DNAH8: variants seen among roughly 807,000 people sequenced by gnomAD.
DNAH8 encodes axonemal beta dynein heavy chain 8.
In DNAH8, 382 loss-of-function variants were observed where a neutral mutation model predicts 562.1. The observed-to-expected ratio is 0.68, with a 90% CI of 0.63 to 0.74. DNAH8 has a LOEUF of 0.74. Among genes scored for constraint, DNAH8 ranks in the 30% least tolerant of loss-of-function variants. DNAH8 has a pLI of 0.00. For missense variants in DNAH8, 5,203 were observed against 5,620.4 expected (o/e 0.93, Z 2.37); for synonymous variants, 1,881 against 1,919.4 (o/e 0.98, Z 0.52).
At chr6:38,855,351 G>C (rs143423815) in intron 41 of DNAH8, among the ~76,000 whole-genome samples, 1 of 152,106 alleles carries the variant, frequency 6.6e-6, no homozygotes, top group Admixed American at 6.5e-5. Flanking sequence ...CGTTCTGCAC[G>C]TGTATTCCGA....
intron 14 of DNAH8, 97 bp from the exon 15 acceptor site, chr6:38,779,869 A>G (rs577728986): frequency 2.6e-5 from 31 of 1,178,530 alleles, no homozygotes; most frequent in East Asian, 7.6e-5. Flanking sequence ...GCTGGTATGA[A>G]TATTTGTCAA....
At chr6:39,001,293 AG>A (rs1269410166) in intron 88 of DNAH8, among the ~76,000 whole-genome samples, 1 of 152,008 alleles carries the variant, frequency 6.6e-6, no homozygotes, top group East Asian at 1.9e-4. Flanking sequence ...CAGAGATTTA[AG>A]CCTTTTCCTG....
At position 38,875,527 on chromosome 6, in the gene DNAH8, T is replaced by G. The variant is rs973337744; in HGVS notation, c.7621-64T>G. ...TCCTTCCTCCTTTTAATTTTACTAT[T>G]ATTTACAATTTTTTATTTTCAAAAT... is the stretch of plus-strand genomic sequence containing the variant. On this transcript the variant is annotated intron_variant, in intron 52 of 92. Coordinates refer to ENST00000327475, the MANE Select transcript of DNAH8 (RefSeq NM_001206927.2). 3 of 977,792 alleles carry G rather than the reference T, an allele frequency of 3.1e-6. No homozygotes were observed. The African/African-American group carries it at 5.0e-5, about 16-fold the overall frequency. 60.6% of individuals were successfully genotyped at this position (977,792 alleles called of 1,614,324 possible).
intron 43 of DNAH8, among the ~76,000 whole-genome samples, chr6:38,861,546 TG>T (rs1398317547): frequency 2.0e-5 from 3 of 152,204 alleles, no homozygotes; most frequent in African/African-American, 7.2e-5. Context: ...CATCAGCCTG[TG>T]GTGCTTACCT....
chr6:38,908,139 T>C lies in DNAH8; in HGVS notation c.9513+19T>C. On this transcript the variant is annotated intron_variant, in intron 64 of 92. Transcript: ENST00000327475. ...TTCTCCAGTAAGTTTTTATTTTTAT[T>C]TATATCTACGTAGAAAGAGTTCCTT... The C allele has an allele frequency of 6.8e-7, 1 of 1,476,692 alleles. No individual in the cohort carries two copies. The allele number at this position is 1,476,692 out of a possible 1,614,324, so 91.5% of individuals were successfully genotyped here. A position where few individuals can be genotyped will look rare whatever the true frequency, so the allele number is the denominator to read the frequency against.
Position 38,828,165 on chromosome 6 carries a change from C to G in DNAH8, c.4084-19C>G. The G allele has an allele frequency of 6.6e-7, 1 of 1,515,822 alleles. No homozygotes were observed. The highest frequency in any genetic ancestry group is 9.0e-7 in the Non-Finnish European group (1 of 1,107,010). 93.9% of individuals were successfully genotyped at this position (1,515,822 alleles called of 1,614,324 possible). On this transcript the variant is annotated intron_variant, in intron 29 of 92. Coordinates refer to ENST00000327475, the MANE Select transcript of DNAH8 (RefSeq NM_001206927.2). ...GGCTTTCCCTTGTGATATTTCTAAA[C>G]TCCACCTTCATCCTGCAGGAAGCCT...
chr6:38,788,233 C>A (rs567689162), intron 18 of DNAH8, among the ~76,000 whole-genome samples: 3 of 151,780 alleles, frequency 2.0e-5, no homozygotes, highest in African/African-American at 7.3e-5. Flanking sequence ...CTCACTGCAA[C>A]CTCCGCCTCC....
rs1347425538 is a variant in DNAH8, at chr6:38,929,540, C to A, written c.11148C>A (p.Arg3716=). ...QVTSLNHKYF[R]THLEDSLSLG... is the part of the protein sequence containing the mutation. ...CATCTCTGAACCATAAATATTTTCGCACACACTTGGAGGACAGCCTTTCCT... is the reference window on the plus strand; with the variant it reads ...CATCTCTGAACCATAAATATTTTCGAACACACTTGGAGGACAGCCTTTCCT... The change falls in exon 75 of 93, where the codon CGC becomes CGA. Residue 3716 remains arginine, a synonymous_variant. Transcript: ENST00000327475. The A allele has an allele frequency of 1.9e-6, 3 of 1,612,166 alleles. No homozygotes were observed. The Admixed American group carries it at 5.0e-5, about 27-fold the overall frequency.
intron 18 of DNAH8, among the ~76,000 whole-genome samples, chr6:38,787,695 CAAAAAAAA>C (rs67293877): frequency 2.5e-5 from 2 of 79,620 alleles, no homozygotes; most frequent in East Asian, 3.8e-4. Flanking sequence ...GACTCCATCT[CAAAAAAAA>C]AAAAAAAAAA....
At chr6:38,825,339 G>T (rs1773222754) in intron 28 of DNAH8, among the ~76,000 whole-genome samples, 1 of 152,118 alleles carries the variant, frequency 6.6e-6, no homozygotes, top group Admixed American at 6.6e-5. Context: ...GAGTGTAGGG[G>T]TACTGAGAGG....
intron 24 of DNAH8, among the ~76,000 whole-genome samples, chr6:38,811,632 C>T (rs953690207): frequency 1.3e-5 from 2 of 152,122 alleles, no homozygotes; most frequent in Non-Finnish European, 1.5e-5. Context: ...TTTTCCCTTA[C>T]TTTAGAGCTT....
At chr6:38,829,511 TATGGTATAAGTTAGGG>T (rs1455353340) in intron 30 of DNAH8, among the ~76,000 whole-genome samples, 1 of 152,212 alleles carries the variant, frequency 6.6e-6, no homozygotes, top group Non-Finnish European at 1.5e-5. Context: ...AATTTGTGCA[TATGGTATAAGTTAGGG>T]ATTCGACTTC....
In DNAH8 at chr6:38,787,662, C is replaced by T. The variant is rs377561627; in HGVS notation, c.2583+710C>T. 1.5e-4 allele frequency among the ~76,000 whole-genome samples: 20 copies of T among 137,798 alleles called. 1 individual carries two copies. The East Asian group carries it at 2.8e-3, about 20-fold the overall frequency. 90.4% of individuals were successfully genotyped at this position (137,798 alleles called of 152,430 possible). On this transcript the variant is annotated intron_variant, in intron 18 of 92. Transcript: ENST00000327475. ...AGTGAGCCGAGATTGCTCCACTGCA[C>T]TCCAGCCTGGGTGACAGAGTAAGAC...
rs1767461673 is a variant in DNAH8 at position 38,770,491 on chromosome 6, A to G, written c.1696A>G (p.Lys566Glu). ...ACTGATTTCAGAATCCTCAGGGGAA[A>G]AATCTTTTGAGGTTTCAGAAATGTA... ...RKLISESSGE[K>E]SFEVSEMYIF... is the part of the protein sequence containing the mutation. Residue 566 changes from lysine to glutamate, a missense_variant, in exon 12 of 93, where the codon AAA becomes GAA. Coordinates refer to ENST00000327475, the MANE Select transcript of DNAH8 (RefSeq NM_001206927.2). The G allele has an allele frequency of 4.4e-6, 7 of 1,607,584 alleles. No individual in the cohort carries two copies. The highest frequency in any genetic ancestry group is 1.3e-5 in the African/African-American group (1 of 74,590).
At chr6:38,929,744 A>G (rs951319577) in intron 75 of DNAH8, 78 bp downstream of exon 75, 3 of 1,293,150 alleles carry the variant, frequency 2.3e-6, no homozygotes, top group African/African-American at 1.5e-5. Context: ...AAGAAAGAGA[A>G]AGAAAGAAAA....
At chr6:38,864,126 C>T (rs1776860470) in intron 45 of DNAH8, 66 bp downstream of exon 45, 2 of 1,475,320 alleles carry the variant, frequency 1.4e-6, no homozygotes, top group African/African-American at 1.4e-5. Context: ...TAAAACAAAG[C>T]ATGTGTTAAT....
intron 85 of DNAH8, among the ~76,000 whole-genome samples, chr6:38,980,644 A>T (rs541878007): frequency 1.3e-5 from 2 of 152,264 alleles, no homozygotes; most frequent in South Asian, 4.2e-4. Context: ...TAGCTAAGGG[A>T]TAGGTGTGGG....
intron 22 of DNAH8, among the ~76,000 whole-genome samples, chr6:38,803,699 G>T (rs928946801): frequency 6.6e-6 from 1 of 150,698 alleles, no homozygotes. Flanking sequence ...CCAGGAAAAG[G>T]TAAATTCTAT....
At chr6:38,718,385 C>G (rs1762497819) in intron 1 of DNAH8, among the ~76,000 whole-genome samples, 1 of 151,918 alleles carries the variant, frequency 6.6e-6, no homozygotes, top group African/African-American at 2.4e-5. Flanking sequence ...AATTGCATCA[C>G]TCTTATAAGT....
Sources: allele counts gnomAD v4.1 joint callset (sites outside exome capture counted in the v4.1 genomes callset), GRCh38; gene constraint gnomAD v4.1.1; transcripts MANE v1.5; gene names NCBI Gene and HGNC (gene_info 2026-07-23, HGNC 2026-07-21).